The following VPS13B variants were observed in gnomAD, a reference collection of about 807,000 sequenced individuals.
VPS13B encodes the protein vacuolar protein sorting 13 homolog B.
A neutral mutation model predicts 426.4 loss-of-function variants in VPS13B; 285 were observed. The observed-to-expected ratio is 0.67, with a 90% CI of 0.61 to 0.74. The LOEUF (loss-of-function observed/expected upper bound fraction) is 0.74. Among genes scored for constraint, VPS13B ranks in the 30% least tolerant of loss-of-function variants. The pLI is 0.00. For missense variants in VPS13B, 4,537 were observed against 4,782.6 expected (o/e 0.95, Z 1.51); for synonymous variants, 1,676 against 1,676.4 (o/e 1.00, Z 0.01).
At chr8:99,270,304 A>G (rs1190057410) in intron 17 of VPS13B, among the ~76,000 whole-genome samples, 4 of 150,948 alleles carry the variant, frequency 2.6e-5, no homozygotes, top group African/African-American at 4.9e-5. Context: ...ATGCTTGGCT[A>G]ATTTTTATAC....
At chr8:99,820,330 T>A (rs554022460) in intron 49 of VPS13B, among the ~76,000 whole-genome samples, 1 of 152,310 alleles carries the variant, frequency 6.6e-6, no homozygotes, top group Admixed American at 6.5e-5. Flanking sequence ...GTGCTTGAGT[T>A]ACCATTAAAT....
intron 52 of VPS13B, among the ~76,000 whole-genome samples, chr8:99,834,861 C>G (rs943835922): frequency 6.6e-6 from 1 of 152,118 alleles, no homozygotes; most frequent in African/African-American, 2.4e-5. Flanking sequence ...GCACAGCCTA[C>G]CAAGCACTTT....
intron 2 of VPS13B, among the ~76,000 whole-genome samples, chr8:99,016,098 T>C (rs1416609881): frequency 2.6e-5 from 4 of 152,240 alleles, no homozygotes; most frequent in Non-Finnish European, 4.4e-5. Context: ...TACTATTCCA[T>C]TGCATAAAGA....
intron 19 of VPS13B, among the ~76,000 whole-genome samples, chr8:99,304,687 C>T (rs950478119): frequency 2.6e-5 from 4 of 152,260 alleles, no homozygotes; most frequent in Non-Finnish European, 4.4e-5. Flanking sequence ...CCTTTATTCT[C>T]TGTACAATGA....
chr8:99,296,393 A>T (rs1014974996), intron 19 of VPS13B, among the ~76,000 whole-genome samples: 1 of 152,184 alleles, frequency 6.6e-6, no homozygotes, highest in African/African-American at 2.4e-5. Flanking sequence ...AGTACTACAT[A>T]TTTATATATA....
chr8:99,769,959 G>A (rs1426207919), intron 40 of VPS13B, among the ~76,000 whole-genome samples: 1 of 152,116 alleles, frequency 6.6e-6, no homozygotes, highest in Non-Finnish European at 1.5e-5. Flanking sequence ...AGGAGTTCAA[G>A]ACCAGACTGG....
chr8:99,848,020 C>T (rs544732156), intron 54 of VPS13B, among the ~76,000 whole-genome samples: 28 of 152,262 alleles, frequency 1.8e-4, no homozygotes, highest in South Asian at 4.1e-4. Flanking sequence ...CCCCTACCCT[C>T]AGGTAATCCT....
intron 25 of VPS13B, among the ~76,000 whole-genome samples, chr8:99,491,031 G>A (rs1252594940): frequency 6.6e-6 from 1 of 152,018 alleles, no homozygotes. Context: ...GCTTTCTCTT[G>A]TGGGCATTTA....
rs1480645575 is a variant in VPS13B at position 99,431,553 on chromosome 8, A to G, written c.3099A>G (p.Ser1033=). The G allele has an allele frequency of 6.2e-7, 1 of 1,613,490 alleles. No homozygotes were observed. Among genetic ancestry groups the G allele is most frequent in the African/African-American group, 1.3e-5 (1 of 75,040 alleles). ...CGTACTCAGAATCCCGCCCATTGTCAGTTCCTGTTAAAGCCATGTTGAATA... is the reference window on the plus strand; with the variant it reads ...CGTACTCAGAATCCCGCCCATTGTCGGTTCCTGTTAAAGCCATGTTGAATA... The part of the protein sequence containing the change: ...TKTVTESRPL[S]VPVKAMLNIS... The change falls in exon 22 of 62, where the codon TCA becomes TCG. Residue 1033 remains serine, a synonymous_variant. Transcript: ENST00000357162.
At chr8:99,185,531 G>A (rs973714427) in intron 16 of VPS13B, among the ~76,000 whole-genome samples, 37 of 152,070 alleles carry the variant, frequency 2.4e-4, no homozygotes, top group Admixed American at 2.4e-3. Flanking sequence ...TTACTGTACA[G>A]GATATGAGTA....
intron 29 of VPS13B, among the ~76,000 whole-genome samples, chr8:99,519,763 G>T (rs1384166501): frequency 6.8e-6 from 1 of 147,252 alleles, no homozygotes; most frequent in Non-Finnish European, 1.5e-5. Context: ...AGAACACATG[G>T]ACACAGGAAG....
Position 99,545,544 on chromosome 8 carries a change from T to C in VPS13B, c.4746-10906T>C, listed in dbSNP as rs543270694. ...TACAGCTGGTAGCTATTGGGCAGCA[T>C]AACTCTGGGTTATGTATCTAGGAGT... is the stretch of plus-strand genomic sequence containing the variant. On this transcript the variant is annotated intron_variant, in intron 30 of 61. Coordinates refer to ENST00000357162, the MANE Select transcript of VPS13B (RefSeq NM_152564.5). 2.9e-4 allele frequency among the ~76,000 whole-genome samples: 44 copies of C among 152,280 alleles called. 1 individual carries two copies. The South Asian group carries it at 6.2e-3, about 21-fold the overall frequency.
At chr8:99,580,673 G>A (rs886757091) in intron 33 of VPS13B, among the ~76,000 whole-genome samples, 7 of 151,304 alleles carry the variant, frequency 4.6e-5, no homozygotes, top group African/African-American at 1.5e-4. Context: ...AGGATAGTGA[G>A]TCCCCATTTC....
At chr8:99,621,663 G>A (rs1210439535) in intron 33 of VPS13B, among the ~76,000 whole-genome samples, 1 of 151,952 alleles carries the variant, frequency 6.6e-6, no homozygotes, top group East Asian at 1.9e-4. Flanking sequence ...AGTTATTTTT[G>A]TAACCCTTGT....
chr8:99,331,223 A>C (rs1011808796), intron 19 of VPS13B, among the ~76,000 whole-genome samples: 1 of 151,850 alleles, frequency 6.6e-6, no homozygotes, highest in Non-Finnish European at 1.5e-5. Flanking sequence ...GGTTGTTTTT[A>C]AATAATGCAC....
At chr8:99,017,618 T>C (rs1841689616) in intron 2 of VPS13B, among the ~76,000 whole-genome samples, 1 of 151,904 alleles carries the variant, frequency 6.6e-6, no homozygotes, top group South Asian at 2.1e-4. Context: ...GCAGCCTCCG[T>C]AGTAGCTGGG....
intron 3 of VPS13B, among the ~76,000 whole-genome samples, chr8:99,075,819 A>G (rs1845087857): frequency 6.6e-6 from 1 of 152,126 alleles, no homozygotes; most frequent in Admixed American, 6.5e-5. Flanking sequence ...TATCTTTTCA[A>G]AAAGCTAACT....
chr8:99,271,083 A>G (rs1310161043), intron 17 of VPS13B, among the ~76,000 whole-genome samples: 1 of 152,128 alleles, frequency 6.6e-6, no homozygotes, highest in East Asian at 1.9e-4. Context: ...AAATGAAATA[A>G]ACTAGGCATC....
chr8:99,368,178 G>A (rs940828547), intron 19 of VPS13B, among the ~76,000 whole-genome samples: 5 of 152,178 alleles, frequency 3.3e-5, no homozygotes, highest in African/African-American at 7.2e-5. Flanking sequence ...GCTGAAGAAA[G>A]AGACATATGA....
Sources: gnomAD v4.1 joint callset for allele counts (sites outside exome capture counted in the v4.1 genomes callset) on GRCh38, gnomAD v4.1.1 for gene constraint, MANE v1.5 for transcripts, NCBI Gene and HGNC (gene_info 2026-07-23, HGNC 2026-07-21) for gene names.